NPR3: variants seen among roughly 807,000 people sequenced by gnomAD.
NPR3 encodes the protein atrial natriuretic peptide receptor 3.
Under a neutral mutation model 54.5 loss-of-function variants are expected in NPR3, and 34 were observed. That is an observed-to-expected ratio of 0.62 (90% CI 0.47 to 0.83). The LOEUF is 0.83. Ranked by LOEUF, NPR3 falls within the 40% of genes least tolerant of loss-of-function variation. NPR3 has a pLI of 0.00. For synonymous variants in NPR3, 289 were observed against 297.1 expected, an observed-to-expected ratio of 0.97 and a Z score of 0.28; for missense variants, 674 against 720.8, an observed-to-expected ratio of 0.94 and a Z score of 0.74.
chr5:32,770,042 TA>T (rs1741672935), intron 3 of NPR3, among the ~76,000 whole-genome samples: 1 of 151,994 alleles, frequency 6.6e-6, no homozygotes, highest in Non-Finnish European at 1.5e-5. Context: ...AAAACACTAA[TA>T]AATCAATGTG....
intron 2 of NPR3, among the ~76,000 whole-genome samples, chr5:32,733,888 G>C (rs965360066): frequency 6.6e-6 from 1 of 152,126 alleles, no homozygotes; most frequent in Non-Finnish European, 1.5e-5. Context: ...ATGAATGTAG[G>C]TTAGGTGGGG....
Position 32,711,435 on chromosome 5 carries a change from C to T in NPR3, c.-342C>T, listed in dbSNP as rs1375853871. On this transcript the variant is annotated 5_prime_UTR_variant, in exon 1 of 8. In the 5' UTR this introduces an upstream ATG that the reference lacks. Transcript: ENST00000265074. ...ACGCTTTCAAAAGCAACCTTAGCAA[C>T]GCCCAAATAAGAAGCCACCTCTAAG... 16 of 1,051,172 alleles carry T rather than the reference C, an allele frequency of 1.5e-5. No homozygotes were observed. The East Asian group carries it at 2.1e-4, about 14-fold the overall frequency. 65.1% of individuals were successfully genotyped at this position (1,051,172 alleles called of 1,614,324 possible).
At chr5:32,727,891 T>C (rs1247989458) in intron 2 of NPR3, among the ~76,000 whole-genome samples, 3 of 152,240 alleles carry the variant, frequency 2.0e-5, no homozygotes, top group Non-Finnish European at 4.4e-5. Context: ...ATAACAGGGG[T>C]GATACTTTAA....
chr5:32,759,895 G>T (rs1408970138), intron 3 of NPR3, among the ~76,000 whole-genome samples: 1 of 152,136 alleles, frequency 6.6e-6, no homozygotes, highest in Admixed American at 6.6e-5. Flanking sequence ...GAAATTCTGG[G>T]TTGAAAATTC....
chr5:32,732,411 T>C (rs556838710), intron 2 of NPR3, among the ~76,000 whole-genome samples: 23 of 152,290 alleles, frequency 1.5e-4, no homozygotes, highest in African/African-American at 5.1e-4. Context: ...AAGGCTTTCC[T>C]GGAAGCCCCA....
chr5:32,694,455 A>G (rs2111806467), intron 1 of NPR3, among the ~76,000 whole-genome samples: 1 of 152,248 alleles, frequency 6.6e-6, no homozygotes, highest in East Asian at 1.9e-4. Flanking sequence ...CCATTTATTA[A>G]TTTTCTACTG....
chr5:32,711,564 T>TTCTTTC lies in NPR3; in HGVS notation c.-208_-207insCTCTTT. The TTCTTTC allele has an allele frequency of 2.4e-6, 3 of 1,240,762 alleles. No homozygotes were observed. The highest frequency in any genetic ancestry group is 3.0e-6 in the Non-Finnish European group (3 of 995,624). The allele number at this position is 1,240,762 out of a possible 1,614,324, so 76.9% of individuals were successfully genotyped here. A position where few individuals can be genotyped will look rare whatever the true frequency, so the allele number is the denominator to read the frequency against. ...CCCGGTGAACTTTTTCTTTTTCTTT[T>TTCTTTC]TCTTTTTTTTTTAAGAAAAACTAGT... On this transcript the variant is annotated 5_prime_UTR_variant, in exon 1 of 8. Transcript: ENST00000265074.
intron 2 of NPR3, among the ~76,000 whole-genome samples, chr5:32,737,813 A>G (rs751712029): frequency 6.6e-6 from 1 of 152,202 alleles, no homozygotes; most frequent in Non-Finnish European, 1.5e-5. Context: ...TTCTCAATGC[A>G]TCAGTTTTCT....
rs1170453410 is a variant in NPR3 at position 32,711,809 on chromosome 5, G to T, written c.33G>T (p.Pro11=). The T allele has an allele frequency of 1.4e-6, 2 of 1,446,456 alleles. No individual in the cohort carries two copies. Among genetic ancestry groups the T allele is most frequent in the East Asian group, 5.2e-5 (2 of 38,720 alleles). The allele number at this position is 1,446,456 out of a possible 1,614,324, so 89.6% of individuals were successfully genotyped here. ...CTCTGCTGGTGCTCACTTTCTCCCC[G>T]TGCGTACTACTCGGCTGGGCGTTGC... is the stretch of plus-strand genomic sequence containing the variant. MPSLLVLTFS[P]CVLLGWALLA... is the part of the protein sequence containing the mutation. The change falls in exon 1 of 8, where the codon CCG becomes CCT. Residue 11 remains proline, a synonymous_variant. Transcript: ENST00000265074.
At chr5:32,755,928 T>G (rs1676419404) in intron 3 of NPR3, among the ~76,000 whole-genome samples, 1 of 152,218 alleles carries the variant, frequency 6.6e-6, no homozygotes, top group Non-Finnish European at 1.5e-5. Flanking sequence ...ACAAAGGACA[T>G]GAACTCATCA....
chr5:32,744,987 G>A (rs913755883), intron 3 of NPR3, among the ~76,000 whole-genome samples: 2 of 152,098 alleles, frequency 1.3e-5, no homozygotes, highest in South Asian at 2.1e-4. Flanking sequence ...TATTATTTTT[G>A]TTATTATTGA....
In NPR3 at chr5:32,787,921, A is replaced by G. The variant is rs969441281; in HGVS notation, c.*1576A>G. ...AGTTTAAAAAATTGTCTTAATATCT[A>G]TTAAAAGGCATGTCTAGTGAGGAAA... On this transcript the variant is annotated 3_prime_UTR_variant, in exon 8 of 8. Coordinates refer to ENST00000265074, the MANE Select transcript of NPR3 (RefSeq NM_001204375.2). 1 of 152,218 alleles carries G rather than the reference A, an allele frequency of 6.6e-6. No individual in the cohort carries two copies. The highest frequency in any genetic ancestry group is 1.5e-5 in the Non-Finnish European group (1 of 68,046). 9.4% of individuals were successfully genotyped at this position (152,218 alleles called of 1,614,324 possible).
intron 3 of NPR3, among the ~76,000 whole-genome samples, chr5:32,753,846 C>T (rs1382580204): frequency 1.3e-5 from 2 of 152,142 alleles, no homozygotes; most frequent in Non-Finnish European, 2.9e-5. Context: ...TAAGAGAGCC[C>T]TGCTCATGAG....
intron 3 of NPR3, among the ~76,000 whole-genome samples, chr5:32,770,429 CAA>C (rs148069259): frequency 8.1e-6 from 1 of 123,638 alleles, no homozygotes; most frequent in Admixed American, 8.3e-5. Flanking sequence ...GACTCTGTTT[CAA>C]AAAAAAAAAG....
At chr5:32,710,894 A>ATG (rs34939454), upstream of NPR3, 91,238 of 505,700 alleles carry the variant, frequency 0.18, 4,458 homozygotes, top group Middle Eastern at 0.25. Context: ...GTGTGTGTAT[A>ATG]TGTGTGTGTG....
At chr5:32,727,704 G>A (rs936928024) in intron 2 of NPR3, among the ~76,000 whole-genome samples, 1 of 152,072 alleles carries the variant, frequency 6.6e-6, no homozygotes, top group African/African-American at 2.4e-5. Context: ...ATGTAGAGAA[G>A]CAATGAGTTC....
intron 2 of NPR3, among the ~76,000 whole-genome samples, chr5:32,737,377 A>G (rs947634421): frequency 6.6e-6 from 1 of 152,218 alleles, no homozygotes; most frequent in East Asian, 1.9e-4. Context: ...CATAGTTCAT[A>G]GATGTTTGTC....
intron 2 of NPR3, among the ~76,000 whole-genome samples, chr5:32,732,023 T>G (rs987211343): frequency 4.0e-5 from 6 of 151,642 alleles, no homozygotes; most frequent in African/African-American, 1.5e-4. Context: ...GGGTGGATCA[T>G]GAGGTCAGGA....
In NPR3 at chr5:32,789,674, C is replaced by T. The variant is rs747473444; in HGVS notation, c.*3329C>T. 8 of 534,588 alleles carry T rather than the reference C, an allele frequency of 1.5e-5. No individual in the cohort carries two copies. In the Admixed American group the frequency reaches 1.6e-4, roughly 10 times the overall value. The allele number at this position is 534,588 out of a possible 1,614,324, so 33.1% of individuals were successfully genotyped here. On this transcript the variant is annotated 3_prime_UTR_variant, in exon 8 of 8. Transcript: ENST00000265074. ...ACTCAAGGCACATGTGCCTTCTTTGCCCCAAATGCATCACTTTCCTTTTAG... is the reference window on the plus strand; with the variant it reads ...ACTCAAGGCACATGTGCCTTCTTTGTCCCAAATGCATCACTTTCCTTTTAG...
Sources: allele counts gnomAD v4.1 joint callset (sites outside exome capture counted in the v4.1 genomes callset), GRCh38; gene constraint gnomAD v4.1.1; transcripts MANE v1.5; gene names NCBI Gene and HGNC (gene_info 2026-07-23, HGNC 2026-07-21).